The following DNAJC8 variants were observed in gnomAD, a reference collection of about 807,000 sequenced individuals.
DNAJC8 encodes the protein DnaJ heat shock protein family (Hsp40) member C8, also known as dnaJ homolog subfamily C member 8.
DNAJC8 carries 24 observed loss-of-function variants against 43.2 expected under a neutral mutation model. The ratio of observed to expected loss-of-function variants is 0.56; its 90% CI spans 0.40 to 0.78. The LOEUF is 0.78. DNAJC8 is among the 30% of genes least tolerant of loss of function. The pLI is 0.00. For missense variants in DNAJC8, 207 were observed against 299.4 expected, an observed-to-expected ratio of 0.69 and a Z score of 2.28; for synonymous variants, 83 against 98.0, an observed-to-expected ratio of 0.85 and a Z score of 0.90.
At chr1:28,215,115 G>C in intron 2 of DNAJC8, 119 bp from the exon 3 acceptor site, 1 of 726,188 alleles carries the variant, frequency 1.4e-6, no homozygotes, top group South Asian at 2.7e-5. Flanking sequence ...CCATGTTCTA[G>C]AACACAGGCT....
intron 2 of DNAJC8, among the ~76,000 whole-genome samples, chr1:28,228,439 TA>T (rs1557714740): frequency 6.6e-6 from 1 of 151,868 alleles, no homozygotes; most frequent in Non-Finnish European, 1.5e-5. Context: ...TTTGGGTTGC[TA>T]AAAGATGATG....
intron 1 of DNAJC8, chr1:28,230,213 T>A (rs1646964574): frequency 6.6e-6 from 1 of 152,226 alleles, no homozygotes. Context: ...GGAATGCTAG[T>A]TGGAATGAAT....
intron 2 of DNAJC8, among the ~76,000 whole-genome samples, chr1:28,227,476 T>G (rs1037839486): frequency 4.2e-5 from 6 of 143,688 alleles, no homozygotes; most frequent in African/African-American, 1.5e-4. Context: ...GCTGTAATCC[T>G]AGCACTATGG....
intron 2 of DNAJC8, among the ~76,000 whole-genome samples, chr1:28,225,094 T>TA (rs1019310254): frequency 2.6e-5 from 4 of 151,304 alleles, no homozygotes; most frequent in African/African-American, 9.7e-5. Context: ...GATGATTATA[T>TA]AGTAACAATG....
At position 28,210,044 on chromosome 1, in the gene DNAJC8, C is replaced by CA; in HGVS notation, c.326dup (p.Leu109PhefsTer46). 6.2e-7 allele frequency: 1 copy of CA among 1,614,108 alleles called. No individual in the cohort carries two copies. The highest frequency in any genetic ancestry group is 2.2e-5 in the East Asian group (1 of 44,878). Reference sequence around the variant, plus strand: ...TCTTCTTTTGCTCCTGATCCAGTAGCAACTTGTAAGCTTTGTCCACAGCTA... The same window carrying CA: ...TCTTCTTTTGCTCCTGATCCAGTAGCAAACTTGTAAGCTTTGTCCACAGCTA... On this transcript the variant is annotated frameshift_variant, in exon 5 of 9. Coordinates refer to ENST00000263697, the MANE Select transcript of DNAJC8 (RefSeq NM_014280.3). LOFTEE classifies it high-confidence loss of function.
At chr1:28,208,512 G>A (rs1646786408) in intron 5 of DNAJC8, 99 bp from the exon 6 acceptor site, 1 of 624,680 alleles carries the variant, frequency 1.6e-6, no homozygotes, top group Non-Finnish European at 2.4e-6. Flanking sequence ...TATAGGCACG[G>A]GTATAGCAAA....
chr1:28,219,826 G>A (rs1210561129), intron 2 of DNAJC8, among the ~76,000 whole-genome samples: 1 of 152,028 alleles, frequency 6.6e-6, no homozygotes, highest in Non-Finnish European at 1.5e-5. Context: ...TCAGGTGTTT[G>A]CCACCATGCC....
intron 2 of DNAJC8, among the ~76,000 whole-genome samples, chr1:28,222,678 A>G (rs934270735): frequency 2.0e-5 from 3 of 152,110 alleles, no homozygotes; most frequent in African/African-American, 7.2e-5. Flanking sequence ...TGGGAGTCAC[A>G]TGGCCCAGAG....
intron 2 of DNAJC8, 113 bp downstream of exon 2, chr1:28,228,808 AT>A: frequency 1.0e-5 from 9 of 857,552 alleles, no homozygotes; most frequent in South Asian, 1.8e-5. Context: ...TTACTCCACC[AT>A]TTTTCTCAAT....
At chr1:28,210,263 T>C in intron 4 of DNAJC8, 197 bp from the exon 5 acceptor site, 1 of 598,404 alleles carries the variant, frequency 1.7e-6, no homozygotes, top group Admixed American at 3.1e-5. Context: ...ATTAAATATA[T>C]ACTCAAGGCT....
At chr1:28,231,998 G>A (rs1052818944) in intron 1 of DNAJC8, among the ~76,000 whole-genome samples, 9 of 151,944 alleles carry the variant, frequency 5.9e-5, no homozygotes, top group Admixed American at 5.2e-4. Context: ...CTCGTGATCC[G>A]CCCGTCTCGG....
At chr1:28,207,059 T>A (rs1394403912) in intron 6 of DNAJC8, among the ~76,000 whole-genome samples, 3 of 135,876 alleles carry the variant, frequency 2.2e-5, no homozygotes, top group Non-Finnish European at 4.7e-5. Context: ...TGTGTTCTTT[T>A]ATAATCAGGA....
chr1:28,203,838 G>C lies in DNAJC8; in HGVS notation c.564-16C>G. 4 of 1,613,122 alleles carry C rather than the reference G, an allele frequency of 2.5e-6. No individual in the cohort carries two copies. Among genetic ancestry groups the C allele is most frequent in the Non-Finnish European group, 3.4e-6 (4 of 1,179,214 alleles). ...TTGTCGTTTCCTAGGAGGAAAACCA[G>C]ATCATAGTATTTATATGATACTTAC... is the stretch of plus-strand genomic sequence containing the variant. On this transcript the variant is annotated splice_polypyrimidine_tract_variant and intron_variant, in intron 7 of 8. Transcript: ENST00000263697.
intron 2 of DNAJC8, among the ~76,000 whole-genome samples, chr1:28,219,602 C>G (rs1646885120): frequency 6.6e-6 from 1 of 152,154 alleles, no homozygotes; most frequent in Non-Finnish European, 1.5e-5. Flanking sequence ...GATAAAGTAA[C>G]TTGATGTGGT....
chr1:28,214,722 T>C (rs1435851414), intron 3 of DNAJC8, among the ~76,000 whole-genome samples: 3 of 152,128 alleles, frequency 2.0e-5, no homozygotes, highest in Admixed American at 6.5e-5. Flanking sequence ...GAGATTCTAT[T>C]TGGATATAAA....
intron 2 of DNAJC8, among the ~76,000 whole-genome samples, chr1:28,223,304 G>A (rs1022575279): frequency 1.3e-5 from 2 of 152,306 alleles, no homozygotes; most frequent in Middle Eastern, 3.4e-3. Flanking sequence ...TGCCTACTCA[G>A]CGGGGAGGAT....
chr1:28,232,875 C>T lies in DNAJC8; in HGVS notation c.78+46G>A, dbSNP rs1040767505. On this transcript the variant is annotated intron_variant, in intron 1 of 8. Transcript: ENST00000263697. ...GCCTTTGTCCACTGGGAAAGCAGATCCGGGAGCGGTCGCCCCGGTGCCACT... is the reference window on the plus strand; with the variant it reads ...GCCTTTGTCCACTGGGAAAGCAGATTCGGGAGCGGTCGCCCCGGTGCCACT... The T allele has an allele frequency of 2.5e-6, 4 of 1,598,932 alleles. No individual in the cohort carries two copies. In the African/African-American group the frequency reaches 5.4e-5, roughly 21 times the overall value.
intron 2 of DNAJC8, among the ~76,000 whole-genome samples, chr1:28,218,836 A>G (rs1646879645): frequency 6.6e-6 from 1 of 152,174 alleles, no homozygotes; most frequent in African/African-American, 2.4e-5. Flanking sequence ...AGGAGAAAGG[A>G]ATTGGGAAAG....
intron 6 of DNAJC8, among the ~76,000 whole-genome samples, chr1:28,206,957 A>G (rs1440475732): frequency 6.6e-6 from 1 of 152,222 alleles, no homozygotes; most frequent in Non-Finnish European, 1.5e-5. Context: ...TGAATAGCTC[A>G]GTATATTTAA....
Sources: allele counts gnomAD v4.1 joint callset (sites outside exome capture counted in the v4.1 genomes callset), GRCh38; gene constraint gnomAD v4.1.1; transcripts MANE v1.5; gene names NCBI Gene and HGNC (gene_info 2026-07-23, HGNC 2026-07-21).